SCN10A: variants seen among roughly 807,000 people sequenced by gnomAD.
SCN10A encodes sodium channel protein type 10 subunit alpha.
SCN10A carries 162 observed loss-of-function variants against 170.7 expected under a neutral mutation model. That is an observed-to-expected ratio of 0.95 (90% confidence interval 0.84 to 1.08). The LOEUF (loss-of-function observed/expected upper bound fraction) is 1.08, where lower values mean the gene tolerates loss of function less well. Ranked by LOEUF, SCN10A falls within the 50% of genes least tolerant of loss-of-function variation. The probability of loss-of-function intolerance (pLI) is 0.00; values close to 1 mark genes in which losing one functional copy is unlikely to be tolerated. For missense variants in SCN10A, 2,527 were observed against 2,436.9 expected, an observed-to-expected ratio of 1.04 and a Z score of -0.78; for synonymous variants, 985 against 904.6, an observed-to-expected ratio of 1.09 and a Z score of -1.59.
intron 15 of SCN10A, among the ~76,000 whole-genome samples, chr3:38,736,117 G>GA (rs1209734415): frequency 1.3e-5 from 2 of 152,096 alleles, no homozygotes; most frequent in Non-Finnish European, 2.9e-5. Flanking sequence ...CAGGCACAGC[G>GA]AAAAAAACTT....
intron 4 of SCN10A, among the ~76,000 whole-genome samples, chr3:38,774,892 G>T (rs1361620113): frequency 6.6e-6 from 1 of 152,144 alleles, no homozygotes; most frequent in Non-Finnish European, 1.5e-5. Context: ...TACCTCAACA[G>T]CAAATCAGAA....
chr3:38,754,019 G>A (rs566459394), intron 11 of SCN10A, among the ~76,000 whole-genome samples: 1 of 152,302 alleles, frequency 6.6e-6, no homozygotes, highest in South Asian at 2.1e-4. Context: ...ATGTACCTGG[G>A]AAAAGAGGGA....
intron 6 of SCN10A, among the ~76,000 whole-genome samples, 175 bp downstream of exon 6, chr3:38,763,330 C>A (rs2063896565): frequency 6.6e-6 from 1 of 152,204 alleles, no homozygotes; most frequent in Non-Finnish European, 1.5e-5. Flanking sequence ...GTCACACTGT[C>A]TCTTACTAGT....
chr3:38,802,304 C>T (rs1025881300), intron 1 of SCN10A, among the ~76,000 whole-genome samples: 5 of 152,140 alleles, frequency 3.3e-5, no homozygotes, highest in Non-Finnish European at 7.4e-5. Context: ...TAGTCTGTGG[C>T]CACATTTGAA....
chr3:38,701,848 A>G lies in SCN10A; in HGVS notation c.4648T>C (p.Ser1550Pro). The G allele has an allele frequency of 1.2e-6, 2 of 1,606,198 alleles. No homozygotes were observed. Among genetic ancestry groups the G allele is most frequent in the Non-Finnish European group, 1.7e-6 (2 of 1,175,716 alleles). Reference sequence around the variant, plus strand: ...GTGGCTGCCCACTTACTCGCAATGGAGAGAACCACCACAATGAAGTCAAAC... The same window carrying G: ...GTGGCTGCCCACTTACTCGCAATGGGGAGAACCACCACAATGAAGTCAAAC... ...NVFDFIVVVL[S>P]IASLIFSAIL... The change falls in exon 27 of 28, where the codon TCC becomes CCC. Residue 1550 changes from serine (S) to proline (P), a missense_variant. By Grantham distance (74) the Ser-to-Pro change is moderately conservative (BLOSUM62 -1). Transcript: ENST00000449082.
chr3:38,739,039 C>T (rs965126129), intron 15 of SCN10A, among the ~76,000 whole-genome samples: 1 of 152,100 alleles, frequency 6.6e-6, no homozygotes, highest in Admixed American at 6.5e-5. Flanking sequence ...GTGGCTTATT[C>T]GCTTGCTTGG....
At chr3:38,789,248 G>A (rs1452298693) in intron 3 of SCN10A, among the ~76,000 whole-genome samples, 1 of 152,106 alleles carries the variant, frequency 6.6e-6, no homozygotes, top group East Asian at 1.9e-4. Context: ...CTACAGGTGG[G>A]TATAAATATC....
At chr3:38,722,508 A>G (rs1280591453) in intron 19 of SCN10A, 96 bp from the exon 20 acceptor site, 16 of 1,422,848 alleles carry the variant, frequency 1.1e-5, no homozygotes, top group Non-Finnish European at 1.5e-5. Flanking sequence ...TAGGAAACCC[A>G]CTTGTCATGC....
At chr3:38,732,645 C>T (rs990360527) in intron 15 of SCN10A, among the ~76,000 whole-genome samples, 3 of 152,170 alleles carry the variant, frequency 2.0e-5, no homozygotes, top group African/African-American at 7.2e-5. Flanking sequence ...TAGGAGAAGG[C>T]TTGGAATGTC....
chr3:38,704,980 G>C (rs1021593668), intron 26 of SCN10A, among the ~76,000 whole-genome samples: 1 of 152,224 alleles, frequency 6.6e-6, no homozygotes, highest in African/African-American at 2.4e-5. Flanking sequence ...TTCTTTCTTG[G>C]TTCTAGACTT....
chr3:38,711,199 T>C (rs1320706399), intron 23 of SCN10A, among the ~76,000 whole-genome samples: 1 of 152,242 alleles, frequency 6.6e-6, no homozygotes, highest in Non-Finnish European at 1.5e-5. Context: ...GCTACAAGTC[T>C]GCTCTGTGCA....
chr3:38,741,620 T>C (rs1475093090), intron 14 of SCN10A, among the ~76,000 whole-genome samples: 2 of 152,228 alleles, frequency 1.3e-5, no homozygotes, highest in African/African-American at 4.8e-5. Context: ...TCAGATACTT[T>C]ATCCAGTATA....
At position 38,725,211 on chromosome 3, in the gene SCN10A, G is replaced by A. The variant is rs774803610; in HGVS notation, c.3191C>T (p.Thr1064Met). 12 of 1,606,342 alleles carry A rather than the reference G, an allele frequency of 7.5e-6. No homozygotes were observed. Among genetic ancestry groups the A allele is most frequent in the East Asian group, 6.7e-5 (3 of 44,768 alleles). The change falls in exon 18 of 28, where the codon ACG becomes ATG. Residue 1064 changes from threonine (T) to methionine (M), a missense_variant. Thr to Met is a moderately conservative substitution (Grantham distance 81). Coordinates refer to ENST00000449082, the MANE Select transcript of SCN10A (RefSeq NM_006514.4). ...CTGAGGAACAGACTCATCTTTCCAC[G>A]TCTCACCCAGGGATGGAGCCAGGTC... is the stretch of plus-strand genomic sequence containing the variant. Reference protein sequence around the residue: ...SEDLAPSLGETWKDESVPQVP... With the variant: ...SEDLAPSLGEMWKDESVPQVP...
intron 5 of SCN10A, among the ~76,000 whole-genome samples, chr3:38,764,287 G>T (rs2063907881): frequency 6.6e-6 from 1 of 152,056 alleles, no homozygotes; most frequent in Non-Finnish European, 1.5e-5. Flanking sequence ...ATTCTTTAAC[G>T]CTGATTTCTG....
At chr3:38,744,145 A>G (rs1344679605) in intron 13 of SCN10A, among the ~76,000 whole-genome samples, 3 of 152,174 alleles carry the variant, frequency 2.0e-5, no homozygotes, top group African/African-American at 7.2e-5. Context: ...AAAAATATGT[A>G]TGTGTAGTGT....
chr3:38,789,980 G>A (rs1642243650), intron 3 of SCN10A, among the ~76,000 whole-genome samples: 1 of 152,114 alleles, frequency 6.6e-6, no homozygotes, highest in Admixed American at 6.6e-5. Context: ...TTGAGCAGAA[G>A]TATTTAAATG....
intron 26 of SCN10A, among the ~76,000 whole-genome samples, chr3:38,702,919 G>T (rs1038923402): frequency 2.0e-5 from 3 of 152,102 alleles, no homozygotes; most frequent in Non-Finnish European, 4.4e-5. Flanking sequence ...ACATCTTACT[G>T]CTCTGTGAGT....
intron 4 of SCN10A, among the ~76,000 whole-genome samples, chr3:38,787,660 G>A (rs2126055881): frequency 6.6e-6 from 1 of 151,832 alleles, no homozygotes; most frequent in South Asian, 2.1e-4. Context: ...CTTTATCAGA[G>A]TGATGCAATC....
At chr3:38,798,059 T>G (rs2064350444) in intron 1 of SCN10A, among the ~76,000 whole-genome samples, 1 of 152,210 alleles carries the variant, frequency 6.6e-6, no homozygotes, top group African/African-American at 2.4e-5. Context: ...TTCCCATCTA[T>G]TACCCAGTGT....
Sources: allele counts gnomAD v4.1 joint callset (sites outside exome capture counted in the v4.1 genomes callset), GRCh38; gene constraint gnomAD v4.1.1; transcripts MANE v1.5; gene names NCBI Gene and HGNC (gene_info 2026-07-23, HGNC 2026-07-21).